The following MRTFA variants were observed in gnomAD, a reference collection of about 807,000 sequenced individuals.
The protein encoded by MRTFA is myocardin-related transcription factor A.
In MRTFA, 20 loss-of-function variants were observed where a neutral mutation model predicts 83.5. The ratio of observed to expected loss-of-function variants is 0.24; its 90% CI spans 0.17 to 0.35. MRTFA has a LOEUF of 0.35. Among genes scored for constraint, MRTFA ranks in the 10% least tolerant of loss-of-function variants. MRTFA has a pLI of 1.00. For synonymous variants in MRTFA, 659 were observed against 541.2 expected (o/e 1.22, Z -3.02); for missense variants, 1,200 against 1,224.7 (o/e 0.98, Z 0.30).
intron 8 of MRTFA, 95 bp downstream of exon 8, chr22:40,424,110 CA>C: frequency 7.5e-7 from 1 of 1,332,656 alleles, no homozygotes; most frequent in Non-Finnish European, 1.0e-6. Context: ...TTCCCTGTGC[CA>C]GAGCAGGAGG....
chr22:40,509,582 C>T (rs2054634168), intron 3 of MRTFA, among the ~76,000 whole-genome samples: 1 of 152,198 alleles, frequency 6.6e-6, no homozygotes, highest in Non-Finnish European at 1.5e-5. Flanking sequence ...ACATACCACA[C>T]AACTGAAAAG....
intron 4 of MRTFA, among the ~76,000 whole-genome samples, chr22:40,445,153 T>G (rs562862200): frequency 8.0e-4 from 122 of 152,080 alleles, no homozygotes; most frequent in African/African-American, 2.9e-3. Flanking sequence ...CTCTCACAAC[T>G]CCCTTCCCTC....
intron 3 of MRTFA, among the ~76,000 whole-genome samples, chr22:40,541,457 C>T (rs1184943955): frequency 6.6e-6 from 1 of 152,152 alleles, no homozygotes; most frequent in Non-Finnish European, 1.5e-5. Context: ...CCCCTAGACA[C>T]CTCGTATTGG....
chr22:40,623,515 A>G (rs2056547864), intron 1 of MRTFA, among the ~76,000 whole-genome samples: 1 of 150,314 alleles, frequency 6.7e-6, no homozygotes, highest in Non-Finnish European at 1.5e-5. Context: ...GGAGGACAGA[A>G]TCAGGAAAGG....
At chr22:40,586,669 T>G in intron 2 of MRTFA, 1 of 220,566 alleles carries the variant, frequency 4.5e-6, no homozygotes, top group Non-Finnish European at 9.0e-6. Flanking sequence ...TGTCCAAAAT[T>G]ATTTGACCTT....
intron 3 of MRTFA, among the ~76,000 whole-genome samples, chr22:40,470,123 C>G (rs2053873679): frequency 6.7e-6 from 1 of 149,738 alleles, no homozygotes; most frequent in Non-Finnish European, 1.5e-5. Flanking sequence ...ACTCAGGAGG[C>G]TGAGGTAGTA....
chr22:40,435,377 A>C (rs756771299), intron 5 of MRTFA, 122 bp downstream of exon 5: 1 of 1,046,218 alleles, frequency 9.6e-7, no homozygotes, highest in Non-Finnish European at 1.5e-6. Flanking sequence ...GGCTGGCCCT[A>C]GAGTCTAGCA....
intron 3 of MRTFA, chr22:40,533,727 A>C: frequency 1.5e-6 from 1 of 647,386 alleles, no homozygotes. Flanking sequence ...TCACAAATTC[A>C]ATCTGATGCC....
intron 2 of MRTFA, among the ~76,000 whole-genome samples, chr22:40,578,584 T>TGGACCATTGGATGG: frequency 6.6e-6 from 1 of 152,026 alleles, no homozygotes; most frequent in East Asian, 1.9e-4. Context: ...ATGGGCAATG[T>TGGACCATTGGATGG]AGTGAGACCC....
intron 3 of MRTFA, among the ~76,000 whole-genome samples, chr22:40,543,116 G>C (rs1276911873): frequency 2.6e-5 from 4 of 152,138 alleles, no homozygotes; most frequent in African/African-American, 7.2e-5. Flanking sequence ...TTAATCAATT[G>C]ACATGCCTAA....
intron 2 of MRTFA, among the ~76,000 whole-genome samples, chr22:40,577,014 G>A (rs192736502): frequency 6.6e-6 from 1 of 152,112 alleles, no homozygotes; most frequent in Non-Finnish European, 1.5e-5. Context: ...CTTGAGCCCA[G>A]GAGTTTGAGA....
At chr22:40,576,424 A>G (rs2055869222) in intron 2 of MRTFA, among the ~76,000 whole-genome samples, 1 of 152,304 alleles carries the variant, frequency 6.6e-6, no homozygotes, top group South Asian at 2.1e-4. Flanking sequence ...GAATGCTGAT[A>G]ATAACTCAGT....
At chr22:40,541,648 C>T (rs1569320041) in intron 3 of MRTFA, among the ~76,000 whole-genome samples, 4 of 150,920 alleles carry the variant, frequency 2.7e-5, no homozygotes, top group Non-Finnish European at 5.9e-5. Flanking sequence ...TAGCTGATGG[C>T]TGTGTGTGTG....
intron 1 of MRTFA, among the ~76,000 whole-genome samples, chr22:40,635,275 G>GT (rs1351335544): frequency 6.6e-6 from 1 of 152,112 alleles, no homozygotes; most frequent in Non-Finnish European, 1.5e-5. Context: ...GTAAAACTGC[G>GT]TAAGTGACAT....
At chr22:40,423,461 C>G (rs961597336) in intron 9 of MRTFA, 75 bp downstream of exon 9, 20 of 1,324,744 alleles carry the variant, frequency 1.5e-5, no homozygotes, top group Non-Finnish European at 2.0e-5. Context: ...GCTGTCCCCA[C>G]AGCTGGAATG....
intron 4 of MRTFA, among the ~76,000 whole-genome samples, chr22:40,437,310 CACACGTAA>C (rs905495407): frequency 2.0e-5 from 3 of 152,112 alleles, no homozygotes; most frequent in Non-Finnish European, 4.4e-5. Flanking sequence ...TGTGATGCAT[CACACGTAA>C]CCTTGGCTCT....
At chr22:40,586,906 C>T in intron 2 of MRTFA, 2 of 327,672 alleles carry the variant, frequency 6.1e-6, no homozygotes, top group Admixed American at 3.3e-5. Context: ...GCTGCTGGTG[C>T]TGCTGGTGCT....
chr22:40,624,272 A>T (rs1243337369), intron 1 of MRTFA, among the ~76,000 whole-genome samples: 1 of 151,970 alleles, frequency 6.6e-6, no homozygotes, highest in Non-Finnish European at 1.5e-5. Flanking sequence ...AAAAATTTTT[A>T]AAAATTAGCC....
rs185830967 is a variant in MRTFA, at chr22:40,579,452, C to T, written c.-22+15222G>A. 1.2e-4 allele frequency among the ~76,000 whole-genome samples: 19 copies of T among 152,216 alleles called. No individual in the cohort carries two copies. The East Asian group carries it at 3.3e-3, about 26-fold the overall frequency. ...AAGGCATCCAACAATGTGGTAAGTG[C>T]CTGCCAGTATCATACTAGTTTACAG... On this transcript the variant is annotated intron_variant, in intron 2 of 14. Coordinates refer to ENST00000355630, the MANE Select transcript of MRTFA (RefSeq NM_020831.6).
Sources: allele counts gnomAD v4.1 joint callset (sites outside exome capture counted in the v4.1 genomes callset), GRCh38; gene constraint gnomAD v4.1.1; transcripts MANE v1.5; gene names NCBI Gene and HGNC (gene_info 2026-07-23, HGNC 2026-07-21).